UBE2R2: variants seen among roughly 807,000 people sequenced by gnomAD.
UBE2R2 encodes ubiquitin conjugating enzyme E2 R2, also known as ubiquitin-conjugating enzyme E2 R2.
Under a neutral mutation model 27.8 loss-of-function variants are expected in UBE2R2, and 1 was observed. The observed-to-expected ratio is 0.04, with a 90% CI of 0.01 to 0.17. The LOEUF (loss-of-function observed/expected upper bound fraction) is 0.17, where lower values mean the gene tolerates loss of function less well. Ranked by LOEUF, UBE2R2 falls within the 10% of genes least tolerant of loss-of-function variation. The pLI is 1.00. For missense variants in UBE2R2, 100 were observed against 291.0 expected, an observed-to-expected ratio of 0.34 and a Z score of 4.78; for synonymous variants, 106 against 113.3, an observed-to-expected ratio of 0.94 and a Z score of 0.41.
At chr9:33,849,642 A>T (rs1820920518) in intron 1 of UBE2R2, among the ~76,000 whole-genome samples, 1 of 151,500 alleles carries the variant, frequency 6.6e-6, no homozygotes. Context: ...GCTTGAGCTC[A>T]GGAGTTCAAG....
At chr9:33,903,934 T>G (rs546418286) in intron 3 of UBE2R2, among the ~76,000 whole-genome samples, 19 of 152,338 alleles carry the variant, frequency 1.2e-4, no homozygotes, top group African/African-American at 4.3e-4. Context: ...TTGTTTACCT[T>G]CTTAGACTTT....
chr9:33,816,886 G>C (rs987977838), upstream of UBE2R2, among the ~76,000 whole-genome samples: 3 of 152,366 alleles, frequency 2.0e-5, no homozygotes, highest in Middle Eastern at 3.4e-3. Context: ...CTGGGGCCAC[G>C]GCAATCCCTG....
intron 3 of UBE2R2, among the ~76,000 whole-genome samples, chr9:33,903,079 A>T (rs1822279911): frequency 6.6e-6 from 1 of 151,998 alleles, no homozygotes; most frequent in Non-Finnish European, 1.5e-5. Context: ...AGCCTGGGCA[A>T]CAAGAGTGAA....
chr9:33,911,681 C>T (rs979949616), intron 3 of UBE2R2, among the ~76,000 whole-genome samples: 18 of 152,080 alleles, frequency 1.2e-4, no homozygotes, highest in African/African-American at 2.7e-4. Context: ...TTGTGCATTA[C>T]CCTTATACTA....
chr9:33,860,764 G>A (rs568600008), intron 1 of UBE2R2, among the ~76,000 whole-genome samples: 170 of 151,996 alleles, frequency 1.1e-3, no homozygotes, highest in African/African-American at 3.9e-3. Context: ...TATTGTGGGT[G>A]TGGTGGCCTG....
At chr9:33,848,954 G>A (rs1422267910) in intron 1 of UBE2R2, among the ~76,000 whole-genome samples, 2 of 151,544 alleles carry the variant, frequency 1.3e-5, no homozygotes, top group Non-Finnish European at 2.9e-5. Flanking sequence ...GAACTACAAA[G>A]ATAATAATAA....
intron 1 of UBE2R2, among the ~76,000 whole-genome samples, chr9:33,824,905 T>A (rs1050523668): frequency 6.6e-6 from 1 of 152,028 alleles, no homozygotes. Context: ...TTCATTGAAA[T>A]CTTTTGGTAA....
intron 1 of UBE2R2, among the ~76,000 whole-genome samples, chr9:33,855,102 G>C (rs1296800645): frequency 6.6e-6 from 1 of 152,046 alleles, no homozygotes; most frequent in East Asian, 1.9e-4. Context: ...TTTTGTTACT[G>C]TAATTTCTAG....
At chr9:33,823,238 A>G (rs187763709) in intron 1 of UBE2R2, among the ~76,000 whole-genome samples, 159 of 150,676 alleles carry the variant, frequency 1.1e-3, no homozygotes, top group African/African-American at 3.7e-3. Context: ...GAGTCTCGCT[A>G]TGTTGTCCAG....
At chr9:33,834,897 C>T (rs1024060434) in intron 1 of UBE2R2, among the ~76,000 whole-genome samples, 34 of 145,406 alleles carry the variant, frequency 2.3e-4, no homozygotes, top group Non-Finnish European at 4.3e-4. Context: ...GCAACAAGAC[C>T]GAAACTCTGT....
intron 2 of UBE2R2, among the ~76,000 whole-genome samples, chr9:33,896,887 A>AAT (rs1217978437): frequency 4.6e-5 from 7 of 151,392 alleles, no homozygotes; most frequent in Admixed American, 1.3e-4. Flanking sequence ...CCTATTTTCT[A>AAT]ATATGTCATT....
intron 1 of UBE2R2, among the ~76,000 whole-genome samples, chr9:33,822,092 A>T (rs1000302705): frequency 5.5e-5 from 7 of 126,368 alleles, no homozygotes; most frequent in African/African-American, 1.8e-4. Context: ...ATATATATAT[A>T]TATATTTTTT....
chr9:33,874,839 A>AT (rs1217997320), intron 1 of UBE2R2, among the ~76,000 whole-genome samples: 2 of 151,814 alleles, frequency 1.3e-5, no homozygotes, highest in African/African-American at 4.8e-5. Flanking sequence ...ATTTTAAATA[A>AT]TTTTTTTGTA....
intron 1 of UBE2R2, among the ~76,000 whole-genome samples, chr9:33,871,916 G>A (rs1821493301): frequency 6.6e-6 from 1 of 151,980 alleles, no homozygotes; most frequent in Non-Finnish European, 1.5e-5. Context: ...TTTTCACCAT[G>A]TTAGCCAGGA....
At chr9:33,905,775 C>CT (rs1215793601) in intron 3 of UBE2R2, among the ~76,000 whole-genome samples, 1 of 152,182 alleles carries the variant, frequency 6.6e-6, no homozygotes, top group Non-Finnish European at 1.5e-5. Context: ...GCAATGAGGA[C>CT]TGAGCTTTAA....
intron 3 of UBE2R2, among the ~76,000 whole-genome samples, chr9:33,906,785 C>G (rs1025340100): frequency 9.9e-5 from 15 of 152,136 alleles, no homozygotes; most frequent in African/African-American, 2.9e-4. Context: ...GTCCTTAATC[C>G]TAGCAACTTG....
At chr9:33,833,480 C>G (rs1402736203) in intron 1 of UBE2R2, among the ~76,000 whole-genome samples, 2 of 152,218 alleles carry the variant, frequency 1.3e-5, no homozygotes, top group Non-Finnish European at 2.9e-5. Flanking sequence ...AGACATGAAC[C>G]ACTGTGCCCG....
intron 2 of UBE2R2, among the ~76,000 whole-genome samples, chr9:33,888,527 T>G (rs1332146102): frequency 6.6e-6 from 1 of 152,118 alleles, no homozygotes; most frequent in African/African-American, 2.4e-5. Flanking sequence ...TTTTATTTAT[T>G]TATTTGTTAT....
At chr9:33,821,593 CTT>C (rs1825982417) in intron 1 of UBE2R2, among the ~76,000 whole-genome samples, 1 of 151,772 alleles carries the variant, frequency 6.6e-6, no homozygotes, top group African/African-American at 2.4e-5. Flanking sequence ...AAGAGTGCCT[CTT>C]TTATGATATG....
Sources: allele counts gnomAD v4.1 joint callset (sites outside exome capture counted in the v4.1 genomes callset), GRCh38; gene constraint gnomAD v4.1.1; transcripts MANE v1.5; gene names NCBI Gene and HGNC (gene_info 2026-07-23, HGNC 2026-07-21).